KDM4A: variants seen among roughly 807,000 people sequenced by gnomAD.
The protein encoded by KDM4A is lysine demethylase 4A.
A neutral mutation model predicts 127.1 loss-of-function variants in KDM4A; 23 were observed. The ratio of observed to expected loss-of-function variants is 0.18; its 90% CI spans 0.13 to 0.26. KDM4A has a LOEUF of 0.26. Ranked by LOEUF, KDM4A falls within the 10% of genes least tolerant of loss-of-function variation. KDM4A has a pLI of 1.00. For missense variants in KDM4A, 890 were observed against 1,329.1 expected (o/e 0.67, Z 5.14); for synonymous variants, 443 against 466.5 (o/e 0.95, Z 0.65).
At chr1:43,665,312 G>A (rs912569615) in intron 5 of KDM4A, among the ~76,000 whole-genome samples, 1 of 151,980 alleles carries the variant, frequency 6.6e-6, no homozygotes, top group Non-Finnish European at 1.5e-5. Context: ...GGCCTTTCAA[G>A]CATTTAAAAA....
At chr1:43,675,010 AG>A (rs1054697078) in intron 11 of KDM4A, among the ~76,000 whole-genome samples, 4 of 152,222 alleles carry the variant, frequency 2.6e-5, no homozygotes, top group African/African-American at 4.8e-5. Context: ...TGCTAGGGGA[AG>A]GGGTCTTCTC....
intron 12 of KDM4A, among the ~76,000 whole-genome samples, chr1:43,687,762 G>A (rs1661020534): frequency 6.6e-6 from 1 of 152,222 alleles, no homozygotes; most frequent in Non-Finnish European, 1.5e-5. Context: ...ACTGGGAAGT[G>A]TGCACCTTTA....
At position 43,694,440 on chromosome 1, in the gene KDM4A, C is replaced by T. The variant is rs1015893061; in HGVS notation, c.2485-269C>T. On this transcript the variant is annotated intron_variant, in intron 17 of 21. Transcript: ENST00000372396. This position sits in a 1 kb window ranked among gnomAD's most constrained non-coding sequence, Gnocchi z 5.2. ...CTGAGGCAGGAGAATCACTTGAACC[C>T]GGGAGGCGGAGGTTGCAGTGAGCCG... Among the ~76,000 whole-genome samples, 12 of 150,534 alleles carry T rather than the reference C, an allele frequency of 8.0e-5. No homozygotes were observed. The highest frequency in any genetic ancestry group is 1.5e-4 in the Non-Finnish European group (10 of 67,840).
chr1:43,666,344 G>T, intron 6 of KDM4A, 108 bp from the exon 7 acceptor site: 1 of 831,628 alleles, frequency 1.2e-6, no homozygotes. Context: ...TCACATTGGT[G>T]ATGCATCCTC....
Position 43,691,069 on chromosome 1 carries a change from C to G in KDM4A, c.2242+20C>G, listed in dbSNP as rs898305966. The G allele has an allele frequency of 6.2e-7, 1 of 1,612,460 alleles. No homozygotes were observed. Among genetic ancestry groups the G allele is most frequent in the Non-Finnish European group, 8.5e-7 (1 of 1,179,132 alleles). On this transcript the variant is annotated intron_variant, in intron 14 of 21. Transcript: ENST00000372396. ...ATGCCAGTGAGTGCTGCTCACCTTT[C>G]TCTGTGTCCTGTCCCAGGAGTATGG...
chr1:43,674,425 T>G (rs545036787), intron 11 of KDM4A, among the ~76,000 whole-genome samples: 1 of 152,170 alleles, frequency 6.6e-6, no homozygotes, highest in African/African-American at 2.4e-5. Context: ...GATACAAGAG[T>G]CAGGCATATG....
At chr1:43,657,958 T>C (rs1431202723) in intron 3 of KDM4A, among the ~76,000 whole-genome samples, 1 of 151,944 alleles carries the variant, frequency 6.6e-6, no homozygotes, top group African/African-American at 2.4e-5. Flanking sequence ...TTGGCCAGGC[T>C]GGTCTCGCTT....
intron 11 of KDM4A, among the ~76,000 whole-genome samples, chr1:43,678,300 A>C (rs1233382156): frequency 6.6e-6 from 1 of 152,010 alleles, no homozygotes; most frequent in Non-Finnish European, 1.5e-5. Flanking sequence ...GCATGGAAGA[A>C]TGTGTGTAGA....
intron 18 of KDM4A, among the ~76,000 whole-genome samples, chr1:43,697,317 G>A (rs1661263798): frequency 6.6e-6 from 1 of 152,260 alleles, no homozygotes; most frequent in Non-Finnish European, 1.5e-5. Flanking sequence ...GGGCATGGTT[G>A]AGGGCACCAG....
intron 1 of KDM4A, among the ~76,000 whole-genome samples, chr1:43,651,574 T>C (rs1346870261): frequency 6.6e-6 from 1 of 152,174 alleles, no homozygotes; most frequent in African/African-American, 2.4e-5. Context: ...GCTTTTCTCC[T>C]TTCTGAGCTC....
chr1:43,666,641 C>A, intron 7 of KDM4A, 86 bp downstream of exon 7: 1 of 1,060,544 alleles, frequency 9.4e-7, no homozygotes, highest in Non-Finnish European at 1.4e-6. Context: ...ATCACTATAC[C>A]AAGAGGGGGC....
Position 43,664,022 on chromosome 1 carries a change from C to T in KDM4A, c.623+935C>T, listed in dbSNP as rs79834372. ...ACCCTCACACAGATAGGAGACTGGTCAGGAGGTAGAAAGTGTGAGAGAATG... is the reference window on the plus strand; with the variant it reads ...ACCCTCACACAGATAGGAGACTGGTTAGGAGGTAGAAAGTGTGAGAGAATG... On this transcript the variant is annotated intron_variant, in intron 5 of 21. Coordinates refer to ENST00000372396, the MANE Select transcript of KDM4A (RefSeq NM_014663.3). 2.6e-3 allele frequency among the ~76,000 whole-genome samples: 389 copies of T among 152,186 alleles called. 14 individuals carry two copies. In the East Asian group the frequency reaches 0.059, roughly 23 times the overall value.
chr1:43,671,525 G>A lies in KDM4A; in HGVS notation c.1384G>A (p.Val462Ile). 2 of 1,568,264 alleles carry A rather than the reference G, an allele frequency of 1.3e-6. No homozygotes were observed. The highest frequency in any genetic ancestry group is 1.7e-6 in the Non-Finnish European group (2 of 1,158,474). ...TFPDYSDSTE[V>I]KFEELKNVKL... is the part of the protein sequence containing the mutation. ...TTCAGATTATTCTGACTCCACTGAA[G>A]TCAAATTTGAAGAGCTTAAAAATGT... The change falls in exon 11 of 22, where the codon GTC becomes ATC. Residue 462 changes from valine to isoleucine, a missense_variant. Transcript: ENST00000372396.
intron 10 of KDM4A, among the ~76,000 whole-genome samples, chr1:43,669,591 AG>A (rs958195198): frequency 6.6e-6 from 1 of 151,350 alleles, no homozygotes; most frequent in African/African-American, 2.4e-5. Flanking sequence ...GAGAGAGAGG[AG>A]GGATGTAGAA....
intron 15 of KDM4A, among the ~76,000 whole-genome samples, chr1:43,691,966 T>A (rs1043007037): frequency 6.6e-6 from 1 of 152,240 alleles, no homozygotes; most frequent in African/African-American, 2.4e-5. Flanking sequence ...AGCCCTGTCA[T>A]GCCTCTAGTT....
At chr1:43,669,888 G>A (rs529099913) in intron 10 of KDM4A, among the ~76,000 whole-genome samples, 2 of 152,160 alleles carry the variant, frequency 1.3e-5, no homozygotes, top group African/African-American at 4.8e-5. Context: ...CCTGACCTCA[G>A]GTGATCCGCC....
chr1:43,675,032 C>T (rs531508742), intron 11 of KDM4A, among the ~76,000 whole-genome samples: 63 of 152,326 alleles, frequency 4.1e-4, no homozygotes, highest in Non-Finnish European at 6.6e-4. Context: ...TCTGACATGT[C>T]TCTCTTTTTC....
chr1:43,702,382 T>C (rs1320166049), intron 19 of KDM4A: 1 of 152,234 alleles, frequency 6.6e-6, no homozygotes, highest in Non-Finnish European at 1.5e-5. Flanking sequence ...AAAATGTATT[T>C]ACTGATTACC....
intron 1 of KDM4A, among the ~76,000 whole-genome samples, chr1:43,652,742 C>A (rs1344473420): frequency 6.9e-6 from 1 of 144,814 alleles, no homozygotes; most frequent in African/African-American, 2.6e-5. Flanking sequence ...AGTGCGATGG[C>A]GCAATCTTGG....
Sources: allele counts gnomAD v4.1 joint callset (sites outside exome capture counted in the v4.1 genomes callset), GRCh38; gene constraint gnomAD v4.1.1; non-coding constraint Gnocchi (gnomAD v3.1); transcripts MANE v1.5; gene names NCBI Gene and HGNC (gene_info 2026-07-23, HGNC 2026-07-21).